The following EXOC3L4 variants were observed in gnomAD, a reference collection of about 807,000 sequenced individuals.
EXOC3L4 encodes exocyst complex component 3-like protein 4.
EXOC3L4 carries 62 observed loss-of-function variants against 69.7 expected under a neutral mutation model. That is an observed-to-expected ratio of 0.89 (90% CI 0.72 to 1.10). The LOEUF (loss-of-function observed/expected upper bound fraction) is 1.10, where lower values mean the gene tolerates loss of function less well. EXOC3L4 is among the 50% of genes least tolerant of loss of function. The pLI, the probability that EXOC3L4 is intolerant of heterozygous loss-of-function variation, is 0.00. For synonymous variants in EXOC3L4, 502 were observed against 464.2 expected (o/e 1.08, Z -1.05); for missense variants, 1,087 against 1,034.8 (o/e 1.05, Z -0.69).
intron 8 of EXOC3L4, among the ~76,000 whole-genome samples, chr14:103,107,184 G>A (rs898753872): frequency 6.6e-6 from 1 of 152,268 alleles, no homozygotes; most frequent in Middle Eastern, 3.4e-3. Flanking sequence ...GTCCCTCAAG[G>A]CTTCTCCAGG....
Position 103,104,763 on chromosome 14 carries a change from C to T in EXOC3L4, c.1310C>T (p.Ala437Val), listed in dbSNP as rs1315545950. ...HMLVAEHVKAAGAISAELEAT... is the reference protein window; with the variant it reads ...HMLVAEHVKAVGAISAELEAT... ...CTCGTGGCCGAGCACGTGAAGGCGG[C>T]CGGCGCCATCTCCGCGGAGCTGGAG... The change falls in exon 6 of 12, where the codon GCC becomes GTC. Residue 437 changes from alanine (A) to valine (V), a missense_variant. Ala to Val is a moderately conservative substitution (Grantham distance 64). Transcript: ENST00000688303. 22 of 1,519,718 alleles carry T rather than the reference C, an allele frequency of 1.4e-5. No individual in the cohort carries two copies. Among genetic ancestry groups the T allele is most frequent in the East Asian group, 5.0e-5 (2 of 40,024 alleles). 94.1% of individuals were successfully genotyped at this position (1,519,718 alleles called of 1,614,324 possible). A position where few individuals can be genotyped will look rare whatever the true frequency, so the allele number is the denominator to read the frequency against.
intron 8 of EXOC3L4, 42 bp downstream of exon 8, chr14:103,106,941 C>G (rs1046955785): frequency 1.0e-5 from 15 of 1,442,658 alleles, no homozygotes; most frequent in East Asian, 9.9e-5. Flanking sequence ...CCATGCCCAG[C>G]AGGCACCCCC....
rs1890228240 is a variant in EXOC3L4, at chr14:103,102,252, C to T, written c.529C>T (p.Arg177Trp). 2 of 1,587,374 alleles carry T rather than the reference C, an allele frequency of 1.3e-6. No individual in the cohort carries two copies. The highest frequency in any genetic ancestry group is 1.7e-6 in the Non-Finnish European group (2 of 1,168,728). ...TGAGCAGGACCCTACGGCCTTCGCG[C>T]GGCGCGCTATGGACGTGTGCCTGCT... Reference protein sequence around the residue: ...TFEQDPTAFARRAMDVCLLYD... With the variant: ...TFEQDPTAFAWRAMDVCLLYD... Residue 177 changes from arginine to tryptophan, a missense_variant, in exon 3 of 12, where the codon CGG (arginine) becomes TGG (tryptophan). Arg to Trp is a moderately radical substitution (Grantham distance 101). Coordinates refer to ENST00000688303, the MANE Select transcript of EXOC3L4 (RefSeq NM_001077594.2).
At position 103,102,481 on chromosome 14, in the gene EXOC3L4, C is replaced by T; in HGVS notation, c.758C>T (p.Ala253Val). 7.2e-7 allele frequency: 1 copy of T among 1,397,118 alleles called. No individual in the cohort carries two copies. The highest frequency in any genetic ancestry group is 9.2e-7 in the Non-Finnish European group (1 of 1,084,354). The allele number at this position is 1,397,118 out of a possible 1,614,324, so 86.5% of individuals were successfully genotyped here. The change falls in exon 3 of 12, where the codon GCT becomes GTT. Residue 253 changes from alanine to valine, a missense_variant. Transcript: ENST00000688303. ...QHWEEAVRRS[A>V]QERVRRPGAG... ...TGGGAGGAGGCGGTGCGGCGAAGCG[C>T]TCAGGAGCGCGTGCGGCGGCCGGGC...
chr14:103,101,038 G>A (rs892532185), intron 2 of EXOC3L4, among the ~76,000 whole-genome samples: 3 of 151,668 alleles, frequency 2.0e-5, no homozygotes, highest in Non-Finnish European at 4.4e-5. Context: ...AAGTCACTAG[G>A]ACTACAGGTG....
At chr14:103,098,242 G>A (rs112859734) in intron 1 of EXOC3L4, among the ~76,000 whole-genome samples, 2,210 of 152,176 alleles carry the variant, frequency 0.015, 38 homozygotes, top group Non-Finnish European at 0.019. Flanking sequence ...CTTCCTGGGA[G>A]AGAACCTCCA....
rs760289690 is a variant in EXOC3L4 at position 103,106,894 on chromosome 14, T to A, written c.1576T>A (p.Leu526Met). ...CTTGCTTCAGGGCTTGCAGCGTGAG[T>A]TGCAGGTGACTGTGATAGGCCCTCT... The part of the protein sequence containing the change: ...KHLLQGLQRE[L>M]QPLFRVVCTR... Residue 526 changes from leucine to methionine, a missense_variant, in exon 8 of 12, where the codon TTG becomes ATG. Leu to Met is a conservative substitution (Grantham distance 15, BLOSUM62 2). Coordinates refer to ENST00000688303, the MANE Select transcript of EXOC3L4 (RefSeq NM_001077594.2). 1.9e-6 allele frequency: 3 copies of A among 1,562,606 alleles called. No individual in the cohort carries two copies. The South Asian group carries it at 3.5e-5, about 18-fold the overall frequency.
At chr14:103,107,281 G>T in intron 8 of EXOC3L4, 143 bp from the exon 9 acceptor site, 1 of 1,320,872 alleles carries the variant, frequency 7.6e-7, no homozygotes. Flanking sequence ...GAAAGGGCTC[G>T]TGACATAACC....
intron 7 of EXOC3L4, among the ~76,000 whole-genome samples, chr14:103,105,708 C>T (rs994178677): frequency 1.3e-5 from 2 of 152,206 alleles, no homozygotes; most frequent in Non-Finnish European, 2.9e-5. Flanking sequence ...AGAAGGCAGA[C>T]GCCCTCCCTG....
At chr14:103,108,809 A>G (rs1019137938) in intron 11 of EXOC3L4, among the ~76,000 whole-genome samples, 3 of 152,120 alleles carry the variant, frequency 2.0e-5, no homozygotes, top group African/African-American at 7.2e-5. Flanking sequence ...GCCCTCTCTG[A>G]AAGCCAGGGG....
Position 103,110,045 on chromosome 14 carries a change from T to C in EXOC3L4, c.1991T>C (p.Leu664Pro), listed in dbSNP as rs1423669678. The C allele has an allele frequency of 1.3e-6, 2 of 1,597,782 alleles. No individual in the cohort carries two copies. Among genetic ancestry groups the C allele is most frequent in the South Asian group, 1.1e-5 (1 of 88,792 alleles). Residue 664 changes from leucine to proline, a missense_variant, in exon 12 of 12, where the codon CTG becomes CCG. Transcript: ENST00000688303. ...TGTCTCTGCAGGCGGGACCACATAC[T>C]GGCCATTCTGGCGCTGCGCCGACTG... ...SYPDIRRDHI[L>P]AILALRRLGR...
chr14:103,108,446 C>A lies in EXOC3L4; in HGVS notation c.1905C>A (p.Ile635=). Residue 635 remains isoleucine (I), a synonymous_variant, in exon 11 of 12, where the codon ATC becomes ATA. Coordinates refer to ENST00000688303, the MANE Select transcript of EXOC3L4 (RefSeq NM_001077594.2). ...LDQAIQCVAE[I]LGETYKDDIQ... ...AAGCCATCCAGTGCGTGGCTGAGAT[C>A]CTGGGCGAGACCTACAAAGATGACA... The A allele has an allele frequency of 6.2e-7, 1 of 1,613,870 alleles. No individual in the cohort carries two copies. Among genetic ancestry groups the A allele is most frequent in the Non-Finnish European group, 8.5e-7 (1 of 1,179,888 alleles).
intron 2 of EXOC3L4, 83 bp downstream of exon 2, chr14:103,100,696 T>C (rs1306607765): frequency 6.8e-7 from 1 of 1,461,482 alleles, no homozygotes. Flanking sequence ...CCGGAAAGGC[T>C]GTCCTCCCTA....
chr14:103,101,439 G>T (rs1018184106), intron 2 of EXOC3L4, among the ~76,000 whole-genome samples: 11 of 152,194 alleles, frequency 7.2e-5, no homozygotes, highest in African/African-American at 2.7e-4. Context: ...TCAGAGAGGT[G>T]GAGTGACTTG....
rs752330030 is a variant in EXOC3L4, at chr14:103,108,369, G to A, written c.1855-27G>A. The A allele has an allele frequency of 3.7e-6, 6 of 1,609,602 alleles. No homozygotes were observed. The East Asian group carries it at 1.3e-4, about 36-fold the overall frequency. ...GAGCAGCGGTGGGGAGAGGGCTGTTGGGGCAGGCGGTGGCTCTGTCTCGCA... is the reference window on the plus strand; with the variant it reads ...GAGCAGCGGTGGGGAGAGGGCTGTTAGGGCAGGCGGTGGCTCTGTCTCGCA... On this transcript the variant is annotated intron_variant, in intron 10 of 11. Transcript: ENST00000688303.
In EXOC3L4 at chr14:103,100,653, G is replaced by A. The variant is rs376201244; in HGVS notation, c.394+40G>A. The stretch of plus-strand genomic sequence containing the variant: ...AACAACACGAAGCATGAAAGGAAAC[G>A]GGCCAGAGGTCAGGGCAGCTCAGCT... On this transcript the variant is annotated intron_variant, in intron 2 of 11. Coordinates refer to ENST00000688303, the MANE Select transcript of EXOC3L4 (RefSeq NM_001077594.2). 78 of 1,562,238 alleles carry A rather than the reference G, an allele frequency of 5.0e-5. No individual in the cohort carries two copies. In the African/African-American group the frequency reaches 6.5e-4, roughly 13 times the overall value.
rs1396498156 is a variant in EXOC3L4 at position 103,097,758 on chromosome 14, G to A, written c.-16-2446G>A. On this transcript the variant is annotated intron_variant, in intron 1 of 11. Coordinates refer to ENST00000688303, the MANE Select transcript of EXOC3L4 (RefSeq NM_001077594.2). This position sits in a 1 kb window ranked among gnomAD's most constrained non-coding sequence, Gnocchi z 4.9. Reference sequence around the variant, plus strand: ...AGGTCCTGAAACCCAAGTCAGGTTTGGAGAACAAACAGGGGCCAGGAAAGG... The same window carrying A: ...AGGTCCTGAAACCCAAGTCAGGTTTAGAGAACAAACAGGGGCCAGGAAAGG... Among the ~76,000 whole-genome samples, 2 of 152,200 alleles carry A rather than the reference G, an allele frequency of 1.3e-5. No individual in the cohort carries two copies. Among genetic ancestry groups the A allele is most frequent in the Non-Finnish European group, 2.9e-5 (2 of 68,038 alleles).
rs761377485 is a variant in EXOC3L4, at chr14:103,106,866, G to A, written c.1548G>A (p.Lys516=). 2.0e-5 allele frequency: 31 copies of A among 1,586,724 alleles called. No homozygotes were observed. The highest frequency in any genetic ancestry group is 2.6e-5 in the Non-Finnish European group (30 of 1,165,208). The change falls in exon 8 of 12, where the codon AAG becomes AAA. Residue 516 remains lysine (K), a synonymous_variant. Transcript: ENST00000688303. ...PLVTATCSFQ[K]HLLQGLQREL... ...TGACGGCCACCTGCAGCTTCCAGAA[G>A]CACTTGCTTCAGGGCTTGCAGCGTG... is the stretch of plus-strand genomic sequence containing the variant.
chr14:103,108,058 C>T (rs955885657), intron 10 of EXOC3L4, among the ~76,000 whole-genome samples: 3 of 152,178 alleles, frequency 2.0e-5, no homozygotes, highest in African/African-American at 4.8e-5. Context: ...GGAGGTGTCC[C>T]CCACCTCAGG....
Sources: gnomAD v4.1 joint callset for allele counts (sites outside exome capture counted in the v4.1 genomes callset) on GRCh38, gnomAD v4.1.1 for gene constraint, Gnocchi (gnomAD v3.1) non-coding constraint, MANE v1.5 for transcripts, NCBI Gene and HGNC (gene_info 2026-07-23, HGNC 2026-07-21) for gene names.